Variants in VPS8 observed in about 807,000 individuals in gnomAD.
VPS8 encodes the protein vacuolar protein sorting-associated protein 8 homolog.
A neutral mutation model predicts 216.4 loss-of-function variants in VPS8; 129 were observed. The ratio of observed to expected loss-of-function variants is 0.60; its 90% CI spans 0.52 to 0.69. The LOEUF is 0.69. VPS8 is among the 30% of genes least tolerant of loss of function. VPS8 has a pLI of 0.00. For missense variants in VPS8, 1,531 were observed against 1,683.5 expected, an observed-to-expected ratio of 0.91 and a Z score of 1.59; for synonymous variants, 571 against 565.4, an observed-to-expected ratio of 1.01 and a Z score of -0.14.
At chr3:185,029,485 A>T (rs1356273689) in intron 46 of VPS8, among the ~76,000 whole-genome samples, 1 of 151,982 alleles carries the variant, frequency 6.6e-6, no homozygotes, top group Non-Finnish European at 1.5e-5. Flanking sequence ...TAGGTATTTC[A>T]TGTAGGAGTC....
At chr3:184,970,572 A>T (rs1290307418) in intron 39 of VPS8, among the ~76,000 whole-genome samples, 1 of 152,230 alleles carries the variant, frequency 6.6e-6, no homozygotes, top group Non-Finnish European at 1.5e-5. Flanking sequence ...AAACATGAAC[A>T]TGGAAGTGCC....
intron 25 of VPS8, among the ~76,000 whole-genome samples, chr3:184,902,122 C>CCTT (rs1560596544): frequency 8.4e-6 from 1 of 119,592 alleles, no homozygotes; most frequent in Non-Finnish European, 1.8e-5. Flanking sequence ...CCCCCCCCCC[C>CCTT]TTTTTTTTTT....
At chr3:184,863,342 A>G (rs1577959066) in intron 16 of VPS8, among the ~76,000 whole-genome samples, 2 of 152,234 alleles carry the variant, frequency 1.3e-5, no homozygotes, top group Admixed American at 6.5e-5. Context: ...ATAATGACGT[A>G]TAATGGAAAA....
rs961759898 is a variant in VPS8 at position 185,011,425 on chromosome 3, G to A, written c.4002+11564G>A. ...CTGGGATGAAGAAACAGAGGTCAAA[G>A]TACAAGACTACCAAAGCAGCTCTAA... On this transcript the variant is annotated intron_variant, in intron 45 of 47. Transcript: ENST00000625842. Among the ~76,000 whole-genome samples the A allele has an allele frequency of 3.3e-5, 5 of 152,202 alleles. No individual in the cohort carries two copies. In the East Asian group the frequency reaches 9.6e-4, roughly 29 times the overall value.
chr3:184,976,930 A>G (rs889305155), intron 40 of VPS8, among the ~76,000 whole-genome samples: 3 of 152,136 alleles, frequency 2.0e-5, no homozygotes, highest in African/African-American at 7.2e-5. Flanking sequence ...CATATGGTAC[A>G]TGTATCTTTT....
intron 25 of VPS8, among the ~76,000 whole-genome samples, chr3:184,908,771 A>C (rs111720520): frequency 0.026 from 3,969 of 152,218 alleles, 78 homozygotes; most frequent in Middle Eastern, 0.082. Flanking sequence ...TGAATGATGA[A>C]ATGGCTTTCT....
chr3:184,936,690 A>G (rs528279265), intron 35 of VPS8, among the ~76,000 whole-genome samples: 1 of 151,776 alleles, frequency 6.6e-6, no homozygotes, highest in Non-Finnish European at 1.5e-5. Flanking sequence ...CCTAATCCAC[A>G]GATCCTCCCT....
intron 1 of VPS8, among the ~76,000 whole-genome samples, chr3:184,822,480 C>T (rs1349342790): frequency 6.6e-6 from 1 of 152,074 alleles, no homozygotes; most frequent in African/African-American, 2.4e-5. Context: ...AATTGTTTTC[C>T]TTTCTGAGTT....
intron 10 of VPS8, among the ~76,000 whole-genome samples, chr3:184,851,495 ATACAC>A (rs1172552490): frequency 6.6e-6 from 1 of 152,078 alleles, no homozygotes; most frequent in Non-Finnish European, 1.5e-5. Context: ...GTTTATATGA[ATACAC>A]TACTTTACTA....
chr3:185,012,418 G>A (rs1755153542), intron 45 of VPS8, among the ~76,000 whole-genome samples: 1 of 149,128 alleles, frequency 6.7e-6, no homozygotes, highest in South Asian at 2.1e-4. Flanking sequence ...TGGATTTCTG[G>A]AACATAAGGA....
chr3:184,996,103 A>G (rs577606991), intron 43 of VPS8, among the ~76,000 whole-genome samples: 1 of 152,344 alleles, frequency 6.6e-6, no homozygotes, highest in East Asian at 1.9e-4. Context: ...CAGATTTGAG[A>G]ATCTTTGTAA....
intron 8 of VPS8, among the ~76,000 whole-genome samples, chr3:184,848,550 T>C (rs1022544563): frequency 1.7e-4 from 25 of 151,050 alleles, no homozygotes; most frequent in African/African-American, 5.6e-4. Flanking sequence ...TAGATCTTTT[T>C]TTTTTCCTGT....
At chr3:184,928,716 G>A (rs946493052) in intron 32 of VPS8, among the ~76,000 whole-genome samples, 183 bp downstream of exon 32, 3 of 152,092 alleles carry the variant, frequency 2.0e-5, no homozygotes, top group Non-Finnish European at 4.4e-5. Flanking sequence ...AGTAAAATTT[G>A]CAGAAATTGA....
At chr3:184,987,800 C>T (rs1751339892) in intron 42 of VPS8, among the ~76,000 whole-genome samples, 1 of 152,170 alleles carries the variant, frequency 6.6e-6, no homozygotes, top group African/African-American at 2.4e-5. Flanking sequence ...TTGTAAGAAA[C>T]TGCCAAACTC....
chr3:184,983,265 T>G (rs1750508546), intron 42 of VPS8, among the ~76,000 whole-genome samples, 171 bp downstream of exon 42: 1 of 152,214 alleles, frequency 6.6e-6, no homozygotes, highest in African/African-American at 2.4e-5. Flanking sequence ...TCTTGAATCT[T>G]TTCTGTCAGT....
chr3:185,024,429 T>G, intron 46 of VPS8, 40 bp downstream of exon 46: 2 of 1,543,530 alleles, frequency 1.3e-6, no homozygotes, highest in Non-Finnish European at 8.8e-7. Flanking sequence ...TTCTTCCTTC[T>G]GTATGTTTAT....
rs191318414 is a variant in VPS8 at position 184,846,278 on chromosome 3, C to G, written c.542-2793C>G. On this transcript the variant is annotated intron_variant, in intron 8 of 47. Transcript: ENST00000625842. ...CAGATTTGTGGGCTGTAAATTTAAT[C>G]CATATTGCAGGAATGGCTAAGATTG... Among the ~76,000 whole-genome samples, 207 of 152,256 alleles carry G rather than the reference C, an allele frequency of 1.4e-3. 1 individual carries two copies. Among genetic ancestry groups the G allele is most frequent in the Non-Finnish European group, 3.4e-4 (23 of 68,026 alleles).
At chr3:185,022,983 G>T (rs1756864531) in intron 45 of VPS8, among the ~76,000 whole-genome samples, 1 of 151,964 alleles carries the variant, frequency 6.6e-6, no homozygotes, top group Admixed American at 6.6e-5. Context: ...TTCTTTAAAT[G>T]CTTTATTGAG....
chr3:184,982,382 T>C, intron 40 of VPS8, 184 bp from the exon 41 acceptor site: 1 of 558,762 alleles, frequency 1.8e-6, no homozygotes, highest in South Asian at 2.3e-5. Flanking sequence ...TTCTGCTTTG[T>C]ATTGTCTTTT....
Sources: allele counts gnomAD v4.1 joint callset (sites outside exome capture counted in the v4.1 genomes callset), GRCh38; gene constraint gnomAD v4.1.1; transcripts MANE v1.5; gene names NCBI Gene and HGNC (gene_info 2026-07-23, HGNC 2026-07-21).